TEP1: variants seen among roughly 807,000 people sequenced by gnomAD.
TEP1 encodes telomerase protein component 1.
A neutral mutation model predicts 306.3 loss-of-function variants in TEP1; 241 were observed. The ratio of observed to expected loss-of-function variants is 0.79; its 90% CI spans 0.71 to 0.88. The LOEUF is 0.88. TEP1 is among the 40% of genes least tolerant of loss of function. TEP1 has a pLI of 0.00. For synonymous variants in TEP1, 1,289 were observed against 1,305.5 expected (o/e 0.99, Z 0.27); for missense variants, 3,051 against 3,276.1 (o/e 0.93, Z 1.68).
intron 40 of TEP1, 44 bp from the exon 41 acceptor site, chr14:20,377,536 G>A: frequency 6.2e-7 from 1 of 1,612,522 alleles, no homozygotes; most frequent in Non-Finnish European, 8.5e-7. Flanking sequence ...CTTGGGAAGG[G>A]GTAGGGGGCA....
intron 43 of TEP1, 85 bp downstream of exon 43, chr14:20,375,670 G>A (rs1196721210): frequency 2.5e-6 from 2 of 798,728 alleles, no homozygotes; most frequent in Admixed American, 2.1e-5. Context: ...TTATTAATGG[G>A]TGCCAGAAAA....
At chr14:20,408,580 A>G in intron 1 of TEP1, 117 bp from the exon 2 acceptor site, 1 of 816,090 alleles carries the variant, frequency 1.2e-6, no homozygotes, top group Non-Finnish European at 1.9e-6. Flanking sequence ...GGTAGAAAAC[A>G]ACCAATGTTG....
At chr14:20,410,589 ATTTTTTTTTCTTTT>A (rs1879574599) in intron 1 of TEP1, among the ~76,000 whole-genome samples, 1 of 138,998 alleles carries the variant, frequency 7.2e-6, no homozygotes. Flanking sequence ...TGCCCAGCTG[ATTTTTTTTTCTTTT>A]TTTTTTTTTG....
Position 20,391,053 on chromosome 14 carries a change from G to A in TEP1, c.2141C>T (p.Thr714Met), listed in dbSNP as rs149239555. ...CACGACGTCCACCTGCTCCGCCCTC[G>A]TGATCATCATCCCAATCAACAGCAG... Reference protein sequence around the residue: ...YALLLIGMMITRAEQVDVVLC... With the variant: ...YALLLIGMMIMRAEQVDVVLC... Residue 714 changes from threonine (T) to methionine (M), a missense_variant, in exon 14 of 55, where the codon ACG becomes ATG. Around this residue, in one of 3 missense-constraint regions of TEP1, gnomAD observed 1,507 missense variants for 1,550.5 expected, o/e 0.97. Transcript: ENST00000262715. 40 of 1,614,148 alleles carry A rather than the reference G, an allele frequency of 2.5e-5. No homozygotes were observed. Among genetic ancestry groups the A allele is most frequent in the African/African-American group, 2.1e-4 (16 of 75,032 alleles).
At chr14:20,398,785 C>A (rs1207576422) in intron 9 of TEP1, among the ~76,000 whole-genome samples, 2 of 152,218 alleles carry the variant, frequency 1.3e-5, no homozygotes, top group Non-Finnish European at 2.9e-5. Flanking sequence ...CCAGCCCACA[C>A]CATCAGCAGC....
chr14:20,372,764 G>T lies in TEP1; in HGVS notation c.7045C>A (p.Leu2349Met). Residue 2349 changes from leucine to methionine, a missense_variant, in exon 49 of 55, where the codon CTG (leucine) becomes ATG (methionine). Leu to Met is a conservative substitution (Grantham distance 15). Transcript: ENST00000262715. Reference protein sequence around the residue: ...DEKISEWQVKLRKGSAPGNLS... With the variant: ...DEKISEWQVKMRKGSAPGNLS... ...TTTCCGGGTGCCGAACCCTTCCGCA[G>T]TTTCACTTGCCACTCGCTGATTTTC... 2 of 1,614,108 alleles carry T rather than the reference G, an allele frequency of 1.2e-6. No homozygotes were observed. Among genetic ancestry groups the T allele is most frequent in the Non-Finnish European group, 1.7e-6 (2 of 1,180,008 alleles).
In TEP1 at chr14:20,383,158, C is replaced by T. The variant is rs201216641; in HGVS notation, c.4047+16G>A. 57 of 1,568,696 alleles carry T rather than the reference C, an allele frequency of 3.6e-5. No homozygotes were observed. Among genetic ancestry groups the T allele is most frequent in the Non-Finnish European group, 4.4e-5 (51 of 1,158,362 alleles). ...ATTCACCCCACACACCCACCGGCCC[C>T]GGCCTAGAACCCAACCTGGTTGTTA... is the stretch of plus-strand genomic sequence containing the variant. On this transcript the variant is annotated intron_variant, in intron 27 of 54. Coordinates refer to ENST00000262715, the MANE Select transcript of TEP1 (RefSeq NM_007110.5).
At chr14:20,400,015 G>T (rs941871314) in intron 9 of TEP1, among the ~76,000 whole-genome samples, 1 of 151,800 alleles carries the variant, frequency 6.6e-6, no homozygotes, top group Admixed American at 6.6e-5. Context: ...AATTAGCTGG[G>T]CATGGTGGCA....
intron 42 of TEP1, 55 bp from the exon 43 acceptor site, chr14:20,375,923 C>T (rs1391553123): frequency 6.6e-7 from 1 of 1,524,922 alleles, no homozygotes; most frequent in Non-Finnish European, 9.1e-7. Flanking sequence ...GATGGGAACC[C>T]CGGAGCCATT....
intron 19 of TEP1, 23 bp downstream of exon 19, chr14:20,386,424 C>T: frequency 1.9e-6 from 3 of 1,586,014 alleles, no homozygotes; most frequent in South Asian, 2.3e-5. Flanking sequence ...CGACCCAGCC[C>T]CTCTTCTCTG....
chr14:20,402,421 A>C (rs1185308272), intron 7 of TEP1, among the ~76,000 whole-genome samples: 3 of 152,240 alleles, frequency 2.0e-5, no homozygotes, highest in South Asian at 2.1e-4. Context: ...GAGTTGACCA[A>C]CTGAGAAAGC....
chr14:20,379,517 G>T (rs1885402198), intron 35 of TEP1, among the ~76,000 whole-genome samples: 2 of 152,184 alleles, frequency 1.3e-5, no homozygotes, highest in African/African-American at 4.8e-5. Flanking sequence ...TTCCCCTCCT[G>T]TGTCTTTGCT....
At chr14:20,391,309 A>T (rs1162135267) in intron 13 of TEP1, among the ~76,000 whole-genome samples, 1 of 152,116 alleles carries the variant, frequency 6.6e-6, no homozygotes, top group Non-Finnish European at 1.5e-5. Flanking sequence ...CAAGTTCAAC[A>T]CCGGGATGTA....
chr14:20,401,113 G>C lies in TEP1; in HGVS notation c.1420C>G (p.Arg474Gly), dbSNP rs148524029. ...TCCCAAGGCCCAGGAAGGCGACTTCGAGAAAAGAGCTGTAGGTTGGAGGGG... is the reference window on the plus strand; with the variant it reads ...TCCCAAGGCCCAGGAAGGCGACTTCCAGAAAAGAGCTGTAGGTTGGAGGGG... ...RYPSNLQLFS[R>G]SRLPGPWDSS... Residue 474 changes from arginine (R) to glycine (G), a missense_variant, in exon 9 of 55, where the codon CGA (arginine) becomes GGA (glycine). By Grantham distance (125) the Arg-to-Gly change is moderately radical. This residue lies in a region of TEP1 where 1,507 missense variants were observed against 1,550.5 expected (regional missense o/e 0.97). Transcript: ENST00000262715. 6.2e-7 allele frequency: 1 copy of C among 1,614,072 alleles called. No individual in the cohort carries two copies. The highest frequency in any genetic ancestry group is 1.3e-5 in the African/African-American group (1 of 74,920).
intron 12 of TEP1, among the ~76,000 whole-genome samples, chr14:20,393,076 G>A (rs921467117): frequency 1.3e-5 from 2 of 152,046 alleles, no homozygotes; most frequent in African/African-American, 4.8e-5. Context: ...AATTAGCCGG[G>A]CGTGGTGGTG....
chr14:20,408,782 C>T (rs893105215), intron 1 of TEP1, among the ~76,000 whole-genome samples: 4 of 150,938 alleles, frequency 2.7e-5, no homozygotes, highest in African/African-American at 9.8e-5. Context: ...GCCTGGGCAA[C>T]ACGGTGAAAC....
intron 41 of TEP1, among the ~76,000 whole-genome samples, chr14:20,377,041 C>A (rs1885214957): frequency 6.6e-6 from 1 of 151,880 alleles, no homozygotes; most frequent in Non-Finnish European, 1.5e-5. Flanking sequence ...CATGGTGAAA[C>A]CCCATCTCTA....
Position 20,368,788 on chromosome 14 carries a change from A to ACACACACACACACT in TEP1, c.7761+9_7761+10insAGTGTGTGTGTGTG. ...CGCACACACACACACACACACACAC[A>ACACACACACACACT]CACACTTACCAGCTGCATACTGGGT... On this transcript the variant is annotated intron_variant, in intron 54 of 54. Coordinates refer to ENST00000262715, the MANE Select transcript of TEP1 (RefSeq NM_007110.5). 6.2e-7 allele frequency: 1 copy of ACACACACACACACT among 1,607,856 alleles called. No individual in the cohort carries two copies. The highest frequency in any genetic ancestry group is 1.1e-5 in the South Asian group (1 of 90,796).
At chr14:20,410,683 A>G (rs1215063013) in intron 1 of TEP1, among the ~76,000 whole-genome samples, 3 of 140,880 alleles carry the variant, frequency 2.1e-5, no homozygotes, top group Admixed American at 7.3e-5. Flanking sequence ...CTTGTGATCC[A>G]CCCACCTTGG....
Sources: gnomAD v4.1 joint callset for allele counts (sites outside exome capture counted in the v4.1 genomes callset) on GRCh38, gnomAD v4.1.1 for gene constraint, gnomAD v4.1.1 regional missense constraint, MANE v1.5 for transcripts, NCBI Gene and HGNC (gene_info 2026-07-23, HGNC 2026-07-21) for gene names.